RNF6: variants seen among roughly 807,000 people sequenced by gnomAD.
RNF6 encodes the protein ring finger protein 6.
Under a neutral mutation model 50.1 loss-of-function variants are expected in RNF6, and 21 were observed. The ratio of observed to expected loss-of-function variants is 0.42; its 90% confidence interval spans 0.30 to 0.60. The LOEUF is 0.60. Ranked by LOEUF, RNF6 falls within the 20% of genes least tolerant of loss-of-function variation. The probability of loss-of-function intolerance (pLI) is 0.20; values close to 1 mark genes in which losing one functional copy is unlikely to be tolerated. For synonymous variants in RNF6, 255 were observed against 291.8 expected (o/e 0.87, Z 1.29); for missense variants, 698 against 838.2 (o/e 0.83, Z 2.07).
At chr13:26,163,754 T>C (rs1046090175) in intron 5 of RNF6, among the ~76,000 whole-genome samples, 1 of 152,172 alleles carries the variant, frequency 6.6e-6, no homozygotes, top group African/African-American at 2.4e-5. Flanking sequence ...TACTTAAGAA[T>C]CTACTAATAT....
intron 5 of RNF6, among the ~76,000 whole-genome samples, chr13:26,136,574 C>T (rs61944944): frequency 6.6e-6 from 1 of 152,142 alleles, no homozygotes; most frequent in African/African-American, 2.4e-5. Flanking sequence ...GGAGGAAAAG[C>T]CACAAAGAAT....
At chr13:26,151,852 T>A (rs971686702) in intron 5 of RNF6, among the ~76,000 whole-genome samples, 1 of 152,212 alleles carries the variant, frequency 6.6e-6, no homozygotes, top group Non-Finnish European at 1.5e-5. Context: ...TTGAAACATC[T>A]CTTGTATGTC....
intron 5 of RNF6, among the ~76,000 whole-genome samples, chr13:26,154,920 C>T (rs539559473): frequency 7.2e-5 from 11 of 152,056 alleles, no homozygotes; most frequent in Non-Finnish European, 1.5e-4. Flanking sequence ...ATCCAAGTTA[C>T]TCAGGAGGCT....
intron 5 of RNF6, among the ~76,000 whole-genome samples, chr13:26,172,668 C>T (rs1282313884): frequency 3.3e-5 from 5 of 152,034 alleles, no homozygotes; most frequent in East Asian, 3.9e-4. Context: ...CTCAGCCTCC[C>T]GAGTAGCTGG....
chr13:26,185,364 A>G (rs1173794471), intron 5 of RNF6, among the ~76,000 whole-genome samples: 1 of 152,232 alleles, frequency 6.6e-6, no homozygotes, highest in East Asian at 1.9e-4. Flanking sequence ...GTAATAATAC[A>G]TAAATATATA....
intron 5 of RNF6, among the ~76,000 whole-genome samples, chr13:26,158,236 C>G (rs1876664011): frequency 6.6e-6 from 1 of 152,058 alleles, no homozygotes; most frequent in African/African-American, 2.4e-5. Context: ...GAGGTCTCTG[C>G]GTCTGCGTTC....
intron 5 of RNF6, among the ~76,000 whole-genome samples, chr13:26,173,082 T>C (rs1257576905): frequency 6.6e-6 from 1 of 152,162 alleles, no homozygotes; most frequent in Non-Finnish European, 1.5e-5. Flanking sequence ...ACGAGGACAA[T>C]GCCAAAGATT....
intron 5 of RNF6, among the ~76,000 whole-genome samples, chr13:26,183,998 A>ATATATATATT (rs1555317794): frequency 1.9e-4 from 4 of 21,566 alleles, no homozygotes; most frequent in African/African-American, 8.0e-4. Context: ...TAAAATATAT[A>ATATATATATT]TATATATATA....
At chr13:26,165,848 G>T (rs896963236) in intron 5 of RNF6, among the ~76,000 whole-genome samples, 1 of 152,204 alleles carries the variant, frequency 6.6e-6, no homozygotes. Context: ...TCGTAGGCAG[G>T]AGGGACTTGC....
rs375901606 is a variant in RNF6, at chr13:26,222,234, C to T, written c.-333G>A. On this transcript the variant is annotated 5_prime_UTR_variant, in exon 1 of 5. Coordinates refer to ENST00000381588, the MANE Select transcript of RNF6 (RefSeq NM_005977.4). ...CGGGAGGAAGAACGGCAGGCCCCAG[C>T]CCTTCTTTCCCGACAGCCACGCCGC... is the stretch of plus-strand genomic sequence containing the variant. 4.7e-4 allele frequency: 72 copies of T among 152,474 alleles called. No homozygotes were observed. The highest frequency in any genetic ancestry group is 1.7e-3 in the African/African-American group (69 of 41,596). The allele number at this position is 152,474 out of a possible 1,614,324, so 9.4% of individuals were successfully genotyped here.
chr13:26,152,349 C>G lies in RNF6; in HGVS notation n.769-19898G>C, dbSNP rs140641355. ...GCGTTTGCTCACGCTGCGCGCTGTG[C>G]CCAGAGGTCTTCCTTGGTCCATCGG... On this transcript the variant is annotated intron_variant and non_coding_transcript_variant, in intron 5 of 5. Coordinates refer to the RNF6 transcript ENST00000468480. Among the ~76,000 whole-genome samples the G allele has an allele frequency of 3.2e-3, 489 of 152,300 alleles. 4 individuals carry two copies. Among genetic ancestry groups the G allele is most frequent in the African/African-American group, 0.011 (465 of 41,552 alleles).
chr13:26,204,475 C>A (rs1368885528), intron 5 of RNF6, among the ~76,000 whole-genome samples: 10 of 110,270 alleles, frequency 9.1e-5, no homozygotes, highest in Admixed American at 1.4e-4. Context: ...TTAGCCTGGG[C>A]AACAGAGCGA....
At position 26,138,248 on chromosome 13, in the gene RNF6, G is replaced by A. The variant is rs966879654; in HGVS notation, n.769-5797C>T. Among the ~76,000 whole-genome samples, 6 of 152,058 alleles carry A rather than the reference G, an allele frequency of 3.9e-5. No homozygotes were observed. The East Asian group carries it at 7.7e-4, about 20-fold the overall frequency. On this transcript the variant is annotated intron_variant and non_coding_transcript_variant, in intron 5 of 5. Coordinates refer to the RNF6 transcript ENST00000468480. ...AATTGTCAACCAATAATTTTATATCGAGTAAAACTGTCCTTCAAAAATGAG... is the reference window on the plus strand; with the variant it reads ...AATTGTCAACCAATAATTTTATATCAAGTAAAACTGTCCTTCAAAAATGAG...
At chr13:26,138,754 T>A (rs1011141944) in intron 5 of RNF6, among the ~76,000 whole-genome samples, 2 of 152,216 alleles carry the variant, frequency 1.3e-5, no homozygotes, top group Non-Finnish European at 2.9e-5. Flanking sequence ...AAATATGTAG[T>A]TAAAGAAATA....
chr13:26,209,555 G>C (rs12865499), downstream of RNF6, among the ~76,000 whole-genome samples: 31,972 of 151,642 alleles, frequency 0.21, 3,763 homozygotes, highest in East Asian at 0.49. Context: ...TCACAAACCT[G>C]ATCAGATCCA....
chr13:26,160,273 G>A (rs1200010237), intron 5 of RNF6, among the ~76,000 whole-genome samples: 1 of 152,114 alleles, frequency 6.6e-6, no homozygotes, highest in Admixed American at 6.5e-5. Context: ...ATACTATAAT[G>A]TCAAACTTTT....
chr13:26,197,180 T>C (rs772239367), intron 5 of RNF6, among the ~76,000 whole-genome samples: 4 of 151,834 alleles, frequency 2.6e-5, no homozygotes, highest in Non-Finnish European at 4.4e-5. Flanking sequence ...CCTGGGATGA[T>C]CCAGCACACT....
intron 5 of RNF6, among the ~76,000 whole-genome samples, chr13:26,153,498 A>AT (rs1871743130): frequency 1.3e-5 from 2 of 152,160 alleles, no homozygotes; most frequent in African/African-American, 4.8e-5. Flanking sequence ...GGCATGAGCC[A>AT]CCGCACCCAG....
In RNF6 at chr13:26,191,970, G is replaced by A. The variant is rs185295010; in HGVS notation, n.768+23504C>T. 2.0e-3 allele frequency among the ~76,000 whole-genome samples: 297 copies of A among 152,250 alleles called. 4 individuals carry two copies. In the South Asian group the frequency reaches 0.026, roughly 13 times the overall value. On this transcript the variant is annotated intron_variant and non_coding_transcript_variant, in intron 5 of 5. Transcript: ENST00000468480. ...ATGGAGGGAGGATTTTCTAGGCAGA[G>A]GTAATGTGTAATAAAGGGCCCTATA...
Sources: gnomAD v4.1 joint callset for allele counts (sites outside exome capture counted in the v4.1 genomes callset) on GRCh38, gnomAD v4.1.1 for gene constraint, MANE v1.5 for transcripts, NCBI Gene and HGNC (gene_info 2026-07-23, HGNC 2026-07-21) for gene names.